DNAH8: variants seen among roughly 807,000 people sequenced by gnomAD.
DNAH8 encodes the protein dynein axonemal heavy chain 8, also known as axonemal beta dynein heavy chain 8.
DNAH8 carries 382 observed loss-of-function variants against 562.1 expected under a neutral mutation model. The observed-to-expected ratio is 0.68, with a 90% CI of 0.63 to 0.74. DNAH8 has a LOEUF of 0.74. Ranked by LOEUF, DNAH8 falls within the 30% of genes least tolerant of loss-of-function variation. DNAH8 has a pLI of 0.00. For missense variants in DNAH8, 5,203 were observed against 5,620.4 expected (o/e 0.93, Z 2.37); for synonymous variants, 1,881 against 1,919.4 (o/e 0.98, Z 0.52).
chr6:38,929,096 T>C (rs1474078622), intron 74 of DNAH8, among the ~76,000 whole-genome samples: 1 of 152,214 alleles, frequency 6.6e-6, no homozygotes, highest in Non-Finnish European at 1.5e-5. Context: ...TTATGTTTAC[T>C]TTTTATCACT....
At chr6:38,761,854 C>G in intron 11 of DNAH8, 51 bp downstream of exon 11, 1 of 1,110,210 alleles carries the variant, frequency 9.0e-7, no homozygotes, top group African/African-American at 1.6e-5. Flanking sequence ...CCCATCCTGC[C>G]CAATTTTACT....
rs778767913 is a variant in DNAH8, at chr6:38,873,056, A to G, written c.7388A>G (p.His2463Arg). The G allele has an allele frequency of 4.3e-6, 7 of 1,614,128 alleles. No homozygotes were observed. Among genetic ancestry groups the G allele is most frequent in the Non-Finnish European group, 5.9e-6 (7 of 1,179,992 alleles). The part of the protein sequence containing the change: ...APSCKLLFEV[H>R]NIENASPATV... ...AGTTGTAAGCTTCTGTTTGAAGTCCACAATATCGAGAACGCCTCTCCTGCC... is the reference window on the plus strand; with the variant it reads ...AGTTGTAAGCTTCTGTTTGAAGTCCGCAATATCGAGAACGCCTCTCCTGCC... The change falls in exon 51 of 93, where the codon CAC (histidine) becomes CGC (arginine). Residue 2463 changes from histidine (H) to arginine (R), a missense_variant. Transcript: ENST00000327475.
At position 38,866,686 on chromosome 6, in the gene DNAH8, T is replaced by C; in HGVS notation, c.6585+9T>C. On this transcript the variant is annotated intron_variant, in intron 46 of 92. Coordinates refer to ENST00000327475, the MANE Select transcript of DNAH8 (RefSeq NM_001206927.2). ...TGGTTCCTGATAGACAGGTATGCAC[T>C]AGGATTTAAAAGCATAATGTGCTTT... 6.2e-7 allele frequency: 1 copy of C among 1,609,242 alleles called. No individual in the cohort carries two copies. The highest frequency in any genetic ancestry group is 8.5e-7 in the Non-Finnish European group (1 of 1,176,910).
rs1273582114 is a variant in DNAH8, at chr6:38,805,529, A to G, written c.3083A>G (p.Asn1028Ser). 14 of 1,610,968 alleles carry G rather than the reference A, an allele frequency of 8.7e-6. No individual in the cohort carries two copies. Among genetic ancestry groups the G allele is most frequent in the Non-Finnish European group, 1.1e-5 (13 of 1,177,418 alleles). The change falls in exon 23 of 93, where the codon AAC becomes AGC. Residue 1028 changes from asparagine to serine, a missense_variant. Asn to Ser is a conservative substitution (Grantham distance 46). This residue lies in a region of DNAH8 where 2,176 missense variants were observed against 2,365.1 expected (regional missense o/e 0.92). Coordinates refer to ENST00000327475, the MANE Select transcript of DNAH8 (RefSeq NM_001206927.2). Reference sequence around the variant, plus strand: ...GGAAGTGAAACAGGAGAGGGTGAAAACAATGACTATGAAGCTAATATTGTG... The same window carrying G: ...GGAAGTGAAACAGGAGAGGGTGAAAGCAATGACTATGAAGCTAATATTGTG... The part of the protein sequence containing the change: ...VFGSETGEGE[N>S]NDYEANIVNE...
intron 82 of DNAH8, among the ~76,000 whole-genome samples, chr6:38,962,820 C>T (rs1762699096): frequency 6.6e-6 from 1 of 152,084 alleles, no homozygotes; most frequent in African/African-American, 2.4e-5. Flanking sequence ...AAAATAATGG[C>T]ATTTGCAGCA....
intron 43 of DNAH8, among the ~76,000 whole-genome samples, chr6:38,861,277 T>G (rs577374850): frequency 2.6e-5 from 4 of 152,226 alleles, no homozygotes; most frequent in Non-Finnish European, 5.9e-5. Flanking sequence ...AACCTATCCC[T>G]TTTATATGCC....
chr6:38,722,756 A>C lies in DNAH8; in HGVS notation c.-34-20A>C. ...ACTCAATTTACTGTAGTTTTAAACG[A>C]ACCTATGTTATAATTCTAGGTTTCG... is the stretch of plus-strand genomic sequence containing the variant. On this transcript the variant is annotated intron_variant, in intron 1 of 92. Coordinates refer to ENST00000327475, the MANE Select transcript of DNAH8 (RefSeq NM_001206927.2). 6.6e-7 allele frequency: 1 copy of C among 1,504,194 alleles called. No individual in the cohort carries two copies. The highest frequency in any genetic ancestry group is 1.4e-5 in the South Asian group (1 of 72,980). 93.2% of individuals were successfully genotyped at this position (1,504,194 alleles called of 1,614,324 possible). A position where few individuals can be genotyped will look rare whatever the true frequency, so the allele number is the denominator to read the frequency against.
At position 38,872,560 on chromosome 6, in the gene DNAH8, C is replaced by T. The variant is rs373404092; in HGVS notation, c.7015C>T (p.His2339Tyr). 2.7e-5 allele frequency: 43 copies of T among 1,613,904 alleles called. No homozygotes were observed. The highest frequency in any genetic ancestry group is 3.5e-5 in the Non-Finnish European group (41 of 1,179,920). ...GTTATATGAGACGTCTTTGGTACGG[C>T]ATGGCTTGATGACTCTTGGGCCCAG... Reference protein sequence around the residue: ...VQLYETSLVRHGLMTLGPSGS... With the variant: ...VQLYETSLVRYGLMTLGPSGS... The change falls in exon 50 of 93, where the codon CAT becomes TAT. Residue 2339 changes from histidine to tyrosine, a missense_variant. His to Tyr is a moderately conservative substitution (Grantham distance 83, BLOSUM62 2). Coordinates refer to ENST00000327475, the MANE Select transcript of DNAH8 (RefSeq NM_001206927.2).
intron 57 of DNAH8, among the ~76,000 whole-genome samples, chr6:38,889,932 T>A (rs748862559): frequency 4.6e-5 from 7 of 152,202 alleles, no homozygotes; most frequent in Non-Finnish European, 8.8e-5. Context: ...CTGAACACAC[T>A]CTGCAGTGTG....
Position 38,945,579 on chromosome 6 carries a change from T to C in DNAH8, c.12120T>C (p.Ile4040=). 1.2e-6 allele frequency: 2 copies of C among 1,614,002 alleles called. No homozygotes were observed. The highest frequency in any genetic ancestry group is 8.5e-7 in the Non-Finnish European group (1 of 1,179,960). ...ELSKLPQFAE[I]MNQISRNEKG... is the part of the protein sequence containing the mutation. ...GTAAACTTCCACAATTTGCAGAAAT[T>C]ATGAACCAGGTAATACAATAAAGGG... Residue 4040 remains isoleucine (I), a synonymous_variant, in exon 80 of 93, where the codon ATT becomes ATC. Coordinates refer to ENST00000327475, the MANE Select transcript of DNAH8 (RefSeq NM_001206927.2).
chr6:38,972,419 G>A (rs899161630), intron 83 of DNAH8, among the ~76,000 whole-genome samples: 6 of 152,100 alleles, frequency 3.9e-5, no homozygotes, highest in East Asian at 3.9e-4. Context: ...AATGCCCTAA[G>A]CCTCAATCTT....
At position 38,909,591 on chromosome 6, in the gene DNAH8, G is replaced by C. The variant is rs767810261; in HGVS notation, c.9587G>C (p.Ser3196Thr). 1 of 1,614,166 alleles carries C rather than the reference G, an allele frequency of 6.2e-7. No individual in the cohort carries two copies. Among genetic ancestry groups the C allele is most frequent in the South Asian group, 1.1e-5 (1 of 91,080 alleles). The stretch of plus-strand genomic sequence containing the variant: ...TCAGGTTGCACTATGGACTGGTTCA[G>C]CCGCTGGCCAAGGGAGGCTCTGATT... ...LISGCTMDWF[S>T]RWPREALIAV... Residue 3196 changes from serine (S) to threonine (T), a missense_variant, in exon 65 of 93, where the codon AGC (serine) becomes ACC (threonine). Around this residue, in one of 6 missense-constraint regions of DNAH8, gnomAD observed 977 missense variants for 1,061.8 expected, o/e 0.92. Coordinates refer to ENST00000327475, the MANE Select transcript of DNAH8 (RefSeq NM_001206927.2).
intron 41 of DNAH8, 42 bp from the exon 42 acceptor site, chr6:38,857,476 A>T: frequency 7.1e-7 from 1 of 1,404,744 alleles, no homozygotes; most frequent in Non-Finnish European, 9.9e-7. Context: ...GATGTGCTTT[A>T]AATATTTGGC....
At chr6:38,873,186 C>G (rs1460187193) in intron 51 of DNAH8, 39 bp downstream of exon 51, 1 of 1,612,772 alleles carries the variant, frequency 6.2e-7, no homozygotes, top group South Asian at 1.1e-5. Flanking sequence ...CTCAGAGTCT[C>G]TCCACGTTTC....
Position 38,814,055 on chromosome 6 carries a change from C to T in DNAH8, c.3259C>T (p.Leu1087Phe), listed in dbSNP as rs770402144. 1 of 1,588,032 alleles carries T rather than the reference C, an allele frequency of 6.3e-7. No homozygotes were observed. The highest frequency in any genetic ancestry group is 8.6e-7 in the Non-Finnish European group (1 of 1,158,910). ...TMKRRIFVAS[L>F]YGRKQSEDII... ...AGCTAAATGTCCATCTCATTGCAGC[C>T]TTTATGGGCGAAAGCAGTCAGAAGA... Residue 1087 changes from leucine to phenylalanine, a missense_variant and splice_region_variant, in exon 25 of 93, where the codon CTT becomes TTT. Around this residue, in one of 6 missense-constraint regions of DNAH8, gnomAD observed 2,176 missense variants for 2,365.1 expected, o/e 0.92. Coordinates refer to ENST00000327475, the MANE Select transcript of DNAH8 (RefSeq NM_001206927.2).
chr6:38,814,957 A>G (rs1772112919), intron 25 of DNAH8, among the ~76,000 whole-genome samples: 1 of 152,126 alleles, frequency 6.6e-6, no homozygotes, highest in Non-Finnish European at 1.5e-5. Flanking sequence ...GTCAAAGGAT[A>G]AGGCCAGGCA....
In DNAH8 at chr6:38,723,383, C is replaced by T. The variant is rs1762939448; in HGVS notation, c.437C>T (p.Pro146Leu). Reference sequence around the variant, plus strand: ...GAAAGCCGAAGACTGAAAATTGACCCTTCATACAAATATATATTTGAAATT... The same window carrying T: ...GAAAGCCGAAGACTGAAAATTGACCTTTCATACAAATATATATTTGAAATT... ...ARESRRLKID[P>L]SYKYIFEILA... is the part of the protein sequence containing the mutation. The change falls in exon 3 of 93, where the codon CCT (proline) becomes CTT (leucine). Residue 146 changes from proline to leucine, a missense_variant. By Grantham distance (98) the Pro-to-Leu change is moderately conservative. Coordinates refer to ENST00000327475, the MANE Select transcript of DNAH8 (RefSeq NM_001206927.2). 1.2e-6 allele frequency: 2 copies of T among 1,612,276 alleles called. No homozygotes were observed. Among genetic ancestry groups the T allele is most frequent in the Non-Finnish European group, 8.5e-7 (1 of 1,179,784 alleles).
intron 82 of DNAH8, among the ~76,000 whole-genome samples, chr6:38,952,662 T>C (rs1466798169): frequency 6.6e-6 from 1 of 152,180 alleles, no homozygotes; most frequent in Non-Finnish European, 1.5e-5. Context: ...CAAGCTACGG[T>C]AGCATGGTCC....
intron 79 of DNAH8, among the ~76,000 whole-genome samples, chr6:38,940,392 G>GGTT (rs759989353): frequency 2.6e-4 from 39 of 152,230 alleles, no homozygotes; most frequent in South Asian, 8.3e-4. Context: ...GTTTGAGGAG[G>GGTT]GTTGGAGTGG....
Sources: gnomAD v4.1 joint callset for allele counts (sites outside exome capture counted in the v4.1 genomes callset) on GRCh38, gnomAD v4.1.1 for gene constraint, gnomAD v4.1.1 regional missense constraint, MANE v1.5 for transcripts, NCBI Gene and HGNC (gene_info 2026-07-23, HGNC 2026-07-21) for gene names.